LY96: variants seen among roughly 807,000 people sequenced by gnomAD.
LY96 encodes lymphocyte antigen 96.
A neutral mutation model predicts 18.9 loss-of-function variants in LY96; 18 were observed. The ratio of observed to expected loss-of-function variants is 0.95; its 90% CI spans 0.66 to 1.41. LY96 has a LOEUF of 1.41. Ranked by LOEUF, LY96 falls within the 40% of genes most tolerant of loss-of-function variation. The probability of loss-of-function intolerance (pLI) is 0.00; values close to 1 mark genes in which losing one functional copy is unlikely to be tolerated. For missense variants in LY96, 175 were observed against 182.4 expected, an observed-to-expected ratio of 0.96 and a Z score of 0.23; for synonymous variants, 66 against 62.6, an observed-to-expected ratio of 1.06 and a Z score of -0.26.
chr8:74,012,537 G>C (rs567558821), intron 3 of LY96, among the ~76,000 whole-genome samples: 5 of 152,196 alleles, frequency 3.3e-5, no homozygotes, highest in African/African-American at 1.2e-4. Flanking sequence ...AAGGGTGAGG[G>C]GGTGGATGAT....
At chr8:74,051,427 T>G in the LY96 span, among the ~76,000 whole-genome samples, 1 of 152,198 alleles carries the variant, frequency 6.6e-6, no homozygotes, top group African/African-American at 2.4e-5. Context: ...AGAAATGCTT[T>G]TGACTGTAGG....
intron 1 of LY96, among the ~76,000 whole-genome samples, chr8:74,000,254 C>T (rs181968735): frequency 8.0e-6 from 1 of 124,614 alleles, no homozygotes. Context: ...CACTTTCCTG[C>T]TTATCTATTT....
chr8:74,010,718 CCTT>C (rs1816512852), intron 3 of LY96, among the ~76,000 whole-genome samples: 1 of 151,806 alleles, frequency 6.6e-6, no homozygotes, highest in African/African-American at 2.4e-5. Flanking sequence ...GAATAAGAAT[CCTT>C]CTTTTGTTAT....
intron 3 of LY96, 108 bp downstream of exon 3, chr8:74,010,237 CT>C (rs1359477414): frequency 9.4e-7 from 1 of 1,067,344 alleles, no homozygotes; most frequent in African/African-American, 1.6e-5. Context: ...GCTAATAATT[CT>C]TTTTCCATCC....
chr8:74,020,590 A>G (rs1176063480), intron 3 of LY96, among the ~76,000 whole-genome samples: 1 of 152,228 alleles, frequency 6.6e-6, no homozygotes, highest in Non-Finnish European at 1.5e-5. Flanking sequence ...ATCTGGAACC[A>G]AAAAAGAGCC....
At chr8:74,081,424 T>A in the LY96 span, among the ~76,000 whole-genome samples, 4 of 151,484 alleles carry the variant, frequency 2.6e-5, no homozygotes, top group African/African-American at 9.7e-5. Flanking sequence ...CCTGGCTAAT[T>A]TAAAATTTTT....
intron 1 of LY96, among the ~76,000 whole-genome samples, chr8:74,003,223 G>T (rs901753469): frequency 6.6e-6 from 1 of 152,136 alleles, no homozygotes; most frequent in East Asian, 1.9e-4. Context: ...GAGAGACCTC[G>T]GGGGAAAGCA....
At chr8:74,081,042 CTTTCT>C in the LY96 span, among the ~76,000 whole-genome samples, 24 of 108,262 alleles carry the variant, frequency 2.2e-4, no homozygotes, top group African/African-American at 1.1e-3. Context: ...TTCTTTCTTT[CTTTCT>C]TTTTCTTTCT....
At chr8:74,085,686 T>C in the LY96 span, among the ~76,000 whole-genome samples, 1 of 152,212 alleles carries the variant, frequency 6.6e-6, no homozygotes, top group Admixed American at 6.5e-5. Flanking sequence ...ATTTCAGAGA[T>C]TTGCATCTAC....
At chr8:73,996,372 C>CCTTCCTTCCTTCCTTCCTTCCTTT (rs1816135382) in intron 1 of LY96, among the ~76,000 whole-genome samples, 2 of 110,908 alleles carry the variant, frequency 1.8e-5, no homozygotes, top group Non-Finnish European at 3.7e-5. Context: ...TTCCTTCATT[C>CCTTCCTTCCTTCCTTCCTTCCTTT]CTTTCTTTCT....
the LY96 span, among the ~76,000 whole-genome samples, chr8:74,069,626 A>T: frequency 6.6e-6 from 1 of 152,168 alleles, no homozygotes; most frequent in Admixed American, 6.5e-5. Flanking sequence ...TTTTTGAGAC[A>T]GAGTATTACT....
At chr8:74,076,981 C>T in the LY96 span, among the ~76,000 whole-genome samples, 1 of 152,066 alleles carries the variant, frequency 6.6e-6, no homozygotes, top group Admixed American at 6.6e-5. Flanking sequence ...TTGGGGGTTC[C>T]CATGATGAGT....
the LY96 span, among the ~76,000 whole-genome samples, chr8:74,088,255 A>G: frequency 1.3e-5 from 2 of 152,262 alleles, no homozygotes; most frequent in African/African-American, 2.4e-5. Flanking sequence ...AGAAAACCCC[A>G]TGACACTTTG....
At chr8:74,040,128 G>T in the LY96 span, among the ~76,000 whole-genome samples, 1 of 152,106 alleles carries the variant, frequency 6.6e-6, no homozygotes, top group African/African-American at 2.4e-5. Flanking sequence ...CCCTATACCC[G>T]CCAGTTATTC....
the LY96 span, among the ~76,000 whole-genome samples, chr8:74,051,621 T>C: frequency 6.6e-6 from 1 of 152,030 alleles, no homozygotes; most frequent in African/African-American, 2.4e-5. Context: ...GGTGGCGGGG[T>C]CTTGGGGGAG....
At chr8:74,067,681 G>A in the LY96 span, among the ~76,000 whole-genome samples, 1,353 of 152,136 alleles carry the variant, frequency 8.9e-3, 23 homozygotes, top group African/African-American at 0.031. Context: ...CAATGGTGAG[G>A]GAGATGGAGG....
downstream of LY96, among the ~76,000 whole-genome samples, chr8:74,033,871 C>T (rs538863646): frequency 2.7e-4 from 40 of 150,342 alleles, no homozygotes; most frequent in African/African-American, 3.7e-4. Flanking sequence ...TAGTAAGATT[C>T]GTTTCTTTCA....
chr8:74,091,088 G>C, the LY96 span, among the ~76,000 whole-genome samples: 3 of 133,578 alleles, frequency 2.2e-5, no homozygotes, highest in Non-Finnish European at 1.7e-5. Context: ...TGTGTAGGTG[G>C]GTGGATGTAC....
At chr8:74,094,449 T>C in the LY96 span, among the ~76,000 whole-genome samples, 9 of 152,226 alleles carry the variant, frequency 5.9e-5, no homozygotes, top group Non-Finnish European at 1.3e-4. Context: ...AAACCCTTTA[T>C]GTTCTAAGTA....
Sources: gnomAD v4.1 joint callset for allele counts (sites outside exome capture counted in the v4.1 genomes callset) on GRCh38, gnomAD v4.1.1 for gene constraint, MANE v1.5 for transcripts, NCBI Gene and HGNC (gene_info 2026-07-23, HGNC 2026-07-21) for gene names.